The following RNGTT variants were observed in gnomAD, a reference collection of about 807,000 sequenced individuals.
RNGTT encodes the protein mRNA-capping enzyme.
RNGTT carries 33 observed loss-of-function variants against 79.3 expected under a neutral mutation model. The ratio of observed to expected loss-of-function variants is 0.42; its 90% CI spans 0.32 to 0.56. The LOEUF (loss-of-function observed/expected upper bound fraction) is 0.56, where lower values mean the gene tolerates loss of function less well. Ranked by LOEUF, RNGTT falls within the 20% of genes least tolerant of loss-of-function variation. The pLI, the probability that RNGTT is intolerant of heterozygous loss-of-function variation, is 0.17. For missense variants in RNGTT, 497 were observed against 739.1 expected (o/e 0.67, Z 3.80); for synonymous variants, 222 against 235.9 (o/e 0.94, Z 0.54).
intron 6 of RNGTT, among the ~76,000 whole-genome samples, chr6:88,902,985 C>A (rs1783524899): frequency 1.3e-5 from 2 of 151,948 alleles, no homozygotes; most frequent in African/African-American, 4.8e-5. Flanking sequence ...TGAGCCACCG[C>A]ACCTGGCCAT....
At chr6:88,633,097 G>A (rs1304266715) in intron 14 of RNGTT, among the ~76,000 whole-genome samples, 2 of 152,092 alleles carry the variant, frequency 1.3e-5, no homozygotes, top group Non-Finnish European at 1.5e-5. Flanking sequence ...AGTCTGTTTT[G>A]TCAAATCCTG....
chr6:88,835,366 GTACA>G (rs1338068891), intron 11 of RNGTT, among the ~76,000 whole-genome samples: 4 of 152,034 alleles, frequency 2.6e-5, no homozygotes, highest in African/African-American at 9.7e-5. Flanking sequence ...TAAGGGAAAT[GTACA>G]GAGTTCCAGA....
intron 14 of RNGTT, among the ~76,000 whole-genome samples, chr6:88,664,794 G>A (rs775234939): frequency 2.0e-5 from 3 of 152,166 alleles, no homozygotes; most frequent in South Asian, 2.1e-4. Flanking sequence ...CCAGGCTCAC[G>A]TGCCCCCAAG....
At chr6:88,945,703 A>G (rs1436270832) in intron 1 of RNGTT, among the ~76,000 whole-genome samples, 3 of 152,186 alleles carry the variant, frequency 2.0e-5, no homozygotes, top group Non-Finnish European at 4.4e-5. Flanking sequence ...CCAGGACACA[A>G]TGAAAGACTA....
At chr6:88,812,566 T>C (rs1413124832) in intron 11 of RNGTT, among the ~76,000 whole-genome samples, 4 of 152,346 alleles carry the variant, frequency 2.6e-5, no homozygotes, top group South Asian at 4.1e-4. Flanking sequence ...ACTCCATGTC[T>C]ATCTTGGAAG....
intron 8 of RNGTT, among the ~76,000 whole-genome samples, chr6:88,855,364 T>C (rs576754716): frequency 4.6e-5 from 7 of 151,978 alleles, no homozygotes; most frequent in Admixed American, 2.0e-4. Context: ...TGAGGAGAAA[T>C]AGGAGAGCTG....
At chr6:88,895,229 CTGTGTGTGTGTGTGTGTGTG>C (rs5878081) in intron 6 of RNGTT, among the ~76,000 whole-genome samples, 3 of 145,108 alleles carry the variant, frequency 2.1e-5, no homozygotes, top group African/African-American at 7.6e-5. Flanking sequence ...AGAGAGAGCT[CTGTGTGTGTGTGTGTGTGTG>C]TGTGTGTGTG....
chr6:88,817,815 A>T (rs948758913), intron 11 of RNGTT, among the ~76,000 whole-genome samples: 1 of 121,810 alleles, frequency 8.2e-6, no homozygotes, highest in Non-Finnish European at 1.6e-5. Flanking sequence ...GTTGGAGTGC[A>T]GTGGCGCCAT....
At chr6:88,907,719 A>AAT (rs1011491052) in intron 4 of RNGTT, among the ~76,000 whole-genome samples, 2 of 151,204 alleles carry the variant, frequency 1.3e-5, no homozygotes, top group African/African-American at 4.9e-5. Flanking sequence ...AGGATATCCT[A>AAT]ATATTTAAGC....
At chr6:88,828,915 G>C (rs555951711) in intron 11 of RNGTT, among the ~76,000 whole-genome samples, 1 of 152,120 alleles carries the variant, frequency 6.6e-6, no homozygotes, top group Non-Finnish European at 1.5e-5. Flanking sequence ...TGTTTGATTG[G>C]TGTACCTGAA....
intron 10 of RNGTT, among the ~76,000 whole-genome samples, chr6:88,846,833 A>G (rs1781500608): frequency 6.6e-6 from 1 of 152,016 alleles, no homozygotes; most frequent in Non-Finnish European, 1.5e-5. Flanking sequence ...TTCAAAACTA[A>G]TTTGTGTCAC....
intron 14 of RNGTT, among the ~76,000 whole-genome samples, chr6:88,637,380 T>C (rs1263023682): frequency 6.6e-6 from 1 of 152,120 alleles, no homozygotes; most frequent in Non-Finnish European, 1.5e-5. Flanking sequence ...TTTCATTCTG[T>C]TGTTCCAGTT....
At position 88,760,093 on chromosome 6, in the gene RNGTT, G is replaced by A. The variant is rs575854548; in HGVS notation, c.1439+9681C>T. Among the ~76,000 whole-genome samples, 4 of 152,146 alleles carry A rather than the reference G, an allele frequency of 2.6e-5. No individual in the cohort carries two copies. In the South Asian group the frequency reaches 8.3e-4, roughly 32 times the overall value. ...CCAAAGAATCAAATTATAAAACAAA[G>A]GTGATATATACTTCTATTTAGTAAA... is the stretch of plus-strand genomic sequence containing the variant. On this transcript the variant is annotated intron_variant, in intron 13 of 15. Coordinates refer to ENST00000369485, the MANE Select transcript of RNGTT (RefSeq NM_003800.5).
chr6:88,627,020 G>A (rs909286136), intron 14 of RNGTT, among the ~76,000 whole-genome samples: 6 of 151,936 alleles, frequency 3.9e-5, no homozygotes, highest in African/African-American at 7.3e-5. Context: ...TACAACCAAG[G>A]AAAGCTTTAA....
chr6:88,952,271 C>T (rs1223906368), intron 1 of RNGTT, among the ~76,000 whole-genome samples: 2 of 152,142 alleles, frequency 1.3e-5, no homozygotes, highest in Non-Finnish European at 2.9e-5. Context: ...GCAAGCCCCA[C>T]CCAAGGAGAG....
intron 8 of RNGTT, among the ~76,000 whole-genome samples, chr6:88,879,587 T>C (rs996316554): frequency 1.2e-4 from 18 of 151,656 alleles, no homozygotes; most frequent in African/African-American, 4.1e-4. Context: ...ACGATTTTCA[T>C]GAGAAAAAAA....
chr6:88,690,703 C>A (rs537893057), intron 13 of RNGTT, among the ~76,000 whole-genome samples: 4 of 152,014 alleles, frequency 2.6e-5, no homozygotes, highest in South Asian at 4.2e-4. Context: ...GAGTGAGACA[C>A]CCCATCTCAA....
chr6:88,673,562 A>T (rs1211593705), intron 14 of RNGTT, among the ~76,000 whole-genome samples: 5 of 152,236 alleles, frequency 3.3e-5, no homozygotes, highest in African/African-American at 1.2e-4. Context: ...ATCTTTTAAC[A>T]GTGAATGAAA....
intron 11 of RNGTT, among the ~76,000 whole-genome samples, chr6:88,812,424 T>C (rs1348306840): frequency 6.6e-6 from 1 of 152,212 alleles, no homozygotes; most frequent in Non-Finnish European, 1.5e-5. Flanking sequence ...ACAATAAAAG[T>C]TCTTTTCATC....
Sources: gnomAD v4.1 joint callset for allele counts (sites outside exome capture counted in the v4.1 genomes callset) on GRCh38, gnomAD v4.1.1 for gene constraint, MANE v1.5 for transcripts, NCBI Gene and HGNC (gene_info 2026-07-23, HGNC 2026-07-21) for gene names.